Variants in ANP32A observed in about 807,000 individuals in gnomAD.
The protein encoded by ANP32A is acidic leucine-rich nuclear phosphoprotein 32 family member A.
ANP32A carries 1 observed loss-of-function variant against 33.9 expected under a neutral mutation model. The ratio of observed to expected loss-of-function variants is 0.03; its 90% CI spans 0.01 to 0.14. The LOEUF (loss-of-function observed/expected upper bound fraction) is 0.14. ANP32A is among the 10% of genes least tolerant of loss of function. The pLI is 1.00. For synonymous variants in ANP32A, 115 were observed against 120.5 expected, an observed-to-expected ratio of 0.95 and a Z score of 0.30; for missense variants, 155 against 306.0, an observed-to-expected ratio of 0.51 and a Z score of 3.68.
At position 68,817,211 on chromosome 15, in the gene ANP32A, T is replaced by C. The variant is rs528744144; in HGVS notation, c.54+3487A>G. 4.6e-5 allele frequency among the ~76,000 whole-genome samples: 7 copies of C among 152,362 alleles called. No individual in the cohort carries two copies. In the South Asian group the frequency reaches 1.2e-3, roughly 27 times the overall value. Reference sequence around the variant, plus strand: ...ACATCCGGAGAAAGGCGGTTTACTTTTTTCAAAAGCAAACCTTCATCCCTC... The same window carrying C: ...ACATCCGGAGAAAGGCGGTTTACTTCTTTCAAAAGCAAACCTTCATCCCTC... On this transcript the variant is annotated intron_variant, in intron 1 of 6. Transcript: ENST00000465139.
At chr15:68,804,482 A>C (rs1434863718) in intron 1 of ANP32A, among the ~76,000 whole-genome samples, 4 of 152,238 alleles carry the variant, frequency 2.6e-5, no homozygotes, top group Admixed American at 2.6e-4. Context: ...AAAAACAAAC[A>C]AAACACATTT....
At chr15:68,805,928 T>C (rs949474133) in intron 1 of ANP32A, among the ~76,000 whole-genome samples, 2 of 152,166 alleles carry the variant, frequency 1.3e-5, no homozygotes, top group African/African-American at 4.8e-5. Context: ...GTCTGTCTAG[T>C]TCCTAGAACA....
In ANP32A at chr15:68,779,316, T is replaced by A. The variant is rs1021431350; in HGVS notation, c.*765A>T. The A allele has an allele frequency of 6.6e-6, 1 of 150,964 alleles. No homozygotes were observed. The highest frequency in any genetic ancestry group is 1.9e-4 in the East Asian group (1 of 5,198). 9.4% of individuals were successfully genotyped at this position (150,964 alleles called of 1,614,324 possible). On this transcript the variant is annotated 3_prime_UTR_variant, in exon 7 of 7. Coordinates refer to ENST00000465139, the MANE Select transcript of ANP32A (RefSeq NM_006305.4). The stretch of plus-strand genomic sequence containing the variant: ...CGTTCTAATATTTTACAGAACAAGA[T>A]AGGACAGTTTTTTTTTTCTTTTAAA...
chr15:68,791,608 T>C (rs1343888673), intron 1 of ANP32A: 1 of 152,708 alleles, frequency 6.5e-6, no homozygotes, highest in Non-Finnish European at 1.5e-5. Flanking sequence ...CCTGGGACCC[T>C]GCTCTTCCCC....
In ANP32A at chr15:68,820,695, C is replaced by T. The variant is rs1567042016; in HGVS notation, c.54+3G>A. 2 of 1,606,214 alleles carry T rather than the reference C, an allele frequency of 1.2e-6. No homozygotes were observed. Among genetic ancestry groups the T allele is most frequent in the Non-Finnish European group, 1.7e-6 (2 of 1,175,568 alleles). ...GACAGAGATATTTTTGGCAAATGCT[C>T]ACATCAGAGGGCGTCCTGTTCCGCA... On this transcript the variant is annotated splice_donor_region_variant and intron_variant, in intron 1 of 6. Transcript: ENST00000465139.
chr15:68,814,478 A>G (rs11072054), intron 1 of ANP32A, among the ~76,000 whole-genome samples: 1 of 151,756 alleles, frequency 6.6e-6, no homozygotes, highest in Non-Finnish European at 1.5e-5. Flanking sequence ...AAAGATGGCC[A>G]ACTGTGTAAG....
rs374816952 is a variant in ANP32A at position 68,780,011 on chromosome 15, G to A, written c.*70C>T. 733 of 1,412,532 alleles carry A rather than the reference G, an allele frequency of 5.2e-4. 2 individuals carry two copies. Among genetic ancestry groups the A allele is most frequent in the Admixed American group, 7.8e-4 (42 of 53,778 alleles). The allele number at this position is 1,412,532 out of a possible 1,614,324, so 87.5% of individuals were successfully genotyped here. A position where few individuals can be genotyped will look rare whatever the true frequency, so the allele number is the denominator to read the frequency against. ...AGTTTCAGGGGGCAGGATTGGAGGG[G>A]GGGGGGAGAGGGGATATGGGTAAAA... On this transcript the variant is annotated 3_prime_UTR_variant, in exon 7 of 7. Coordinates refer to ENST00000465139, the MANE Select transcript of ANP32A (RefSeq NM_006305.4). This position sits in a 1 kb window ranked among gnomAD's most constrained non-coding sequence, Gnocchi z 4.3.
intron 1 of ANP32A, among the ~76,000 whole-genome samples, chr15:68,810,483 C>T (rs72750393): frequency 0.026 from 4,006 of 152,164 alleles, 112 homozygotes; most frequent in East Asian, 0.15. Context: ...AAGAGTAGGG[C>T]ACTTTTGGAG....
chr15:68,814,307 C>T (rs1273072935), intron 1 of ANP32A, among the ~76,000 whole-genome samples: 1 of 152,086 alleles, frequency 6.6e-6, no homozygotes, highest in African/African-American at 2.4e-5. Context: ...CACCTGTAAT[C>T]CCAGCGCTTT....
At chr15:68,819,593 C>G (rs1894442269) in intron 1 of ANP32A, among the ~76,000 whole-genome samples, 2 of 152,268 alleles carry the variant, frequency 1.3e-5, no homozygotes, top group East Asian at 3.9e-4. Flanking sequence ...AGCTCGCGTC[C>G]TGACAAAGTT....
chr15:68,811,431 C>A (rs1461018703), intron 1 of ANP32A, among the ~76,000 whole-genome samples: 1 of 152,136 alleles, frequency 6.6e-6, no homozygotes, highest in Non-Finnish European at 1.5e-5. Flanking sequence ...GGGATTAAGG[C>A]AGGTTCAGCC....
intron 1 of ANP32A, among the ~76,000 whole-genome samples, chr15:68,795,003 T>C (rs1331867299): frequency 6.6e-6 from 1 of 152,196 alleles, no homozygotes; most frequent in African/African-American, 2.4e-5. Context: ...AGTTCTCTTT[T>C]TTCAGAGGAA....
intron 1 of ANP32A, among the ~76,000 whole-genome samples, chr15:68,807,467 CCCCT>C (rs1894249684): frequency 6.9e-6 from 1 of 145,642 alleles, no homozygotes; most frequent in African/African-American, 2.5e-5. Flanking sequence ...AGCCTCCCTG[CCCCT>C]CCCCTCCGCT....
In ANP32A at chr15:68,780,012, G is replaced by A. The variant is rs986611359; in HGVS notation, c.*69C>T. ...GTTTCAGGGGGCAGGATTGGAGGGG[G>A]GGGGGAGAGGGGATATGGGTAAAAA... is the stretch of plus-strand genomic sequence containing the variant. On this transcript the variant is annotated 3_prime_UTR_variant, in exon 7 of 7. Transcript: ENST00000465139. This position sits in a 1 kb window ranked among gnomAD's most constrained non-coding sequence, Gnocchi z 4.3. 15 of 1,420,202 alleles carry A rather than the reference G, an allele frequency of 1.1e-5. 1 individual carries two copies. The highest frequency in any genetic ancestry group is 2.4e-5 in the South Asian group (2 of 82,570). 88.0% of individuals were successfully genotyped at this position (1,420,202 alleles called of 1,614,324 possible).
At chr15:68,805,222 C>T (rs1168004736) in intron 1 of ANP32A, among the ~76,000 whole-genome samples, 1 of 152,228 alleles carries the variant, frequency 6.6e-6, no homozygotes, top group Non-Finnish European at 1.5e-5. Context: ...CCAGGAAACA[C>T]TGCTATTTCA....
chr15:68,797,064 C>T (rs1254750320), intron 1 of ANP32A, among the ~76,000 whole-genome samples: 1 of 152,150 alleles, frequency 6.6e-6, no homozygotes, highest in Admixed American at 6.5e-5. Context: ...ATCATCTAAT[C>T]TCTTAAAACA....
chr15:68,809,388 A>G (rs903109077), intron 1 of ANP32A, among the ~76,000 whole-genome samples: 14 of 152,198 alleles, frequency 9.2e-5, no homozygotes, highest in Non-Finnish European at 1.6e-4. Flanking sequence ...AATTAATTAG[A>G]ACAGTAGTCT....
chr15:68,807,001 A>AG (rs1287047425), intron 1 of ANP32A, among the ~76,000 whole-genome samples: 1 of 152,250 alleles, frequency 6.6e-6, no homozygotes, highest in Admixed American at 6.5e-5. Context: ...GCCCTCTGGC[A>AG]GGGGGTATGG....
chr15:68,800,127 T>C (rs1203328522), intron 1 of ANP32A, among the ~76,000 whole-genome samples: 1 of 152,186 alleles, frequency 6.6e-6, no homozygotes, highest in African/African-American at 2.4e-5. Context: ...TGGATGCTTA[T>C]TAGATGAATT....
Sources: allele counts gnomAD v4.1 joint callset (sites outside exome capture counted in the v4.1 genomes callset), GRCh38; gene constraint gnomAD v4.1.1; non-coding constraint Gnocchi (gnomAD v3.1); transcripts MANE v1.5; gene names NCBI Gene and HGNC (gene_info 2026-07-23, HGNC 2026-07-21).